Variants in ESRRG observed in about 807,000 individuals in gnomAD.
ESRRG encodes estrogen related receptor gamma.
In ESRRG, 13 loss-of-function variants were observed where a neutral mutation model predicts 44.0. The observed-to-expected ratio is 0.30, with a 90% CI of 0.19 to 0.47. The LOEUF (loss-of-function observed/expected upper bound fraction) is 0.47. Ranked by LOEUF, ESRRG falls within the 20% of genes least tolerant of loss-of-function variation. The probability of loss-of-function intolerance (pLI) is 1.00; values close to 1 mark genes in which losing one functional copy is unlikely to be tolerated. For synonymous variants in ESRRG, 215 were observed against 214.6 expected (o/e 1.00, Z -0.02); for missense variants, 395 against 580.6 (o/e 0.68, Z 3.29).
intron 5 of ESRRG, among the ~76,000 whole-genome samples, chr1:216,527,820 C>T (rs1262131388): frequency 1.3e-5 from 2 of 152,078 alleles, no homozygotes; most frequent in Non-Finnish European, 2.9e-5. Flanking sequence ...AAGATGAAGA[C>T]ATAAGCAGGA....
Position 216,561,588 on chromosome 1 carries a change from GC to G in ESRRG, c.862+2630del, listed in dbSNP as rs1413340115. Among the ~76,000 whole-genome samples, 3 of 152,086 alleles carry G rather than the reference GC, an allele frequency of 2.0e-5. No homozygotes were observed. In the East Asian group the frequency reaches 5.8e-4, roughly 29 times the overall value. On this transcript the variant is annotated intron_variant, in intron 5 of 6. Coordinates refer to ENST00000408911, the MANE Select transcript of ESRRG (RefSeq NM_001438.4). ...ACTTCCCTGTCTCTCAGTCCATATA[GC>G]TGTAGTGTGGTCCTCTACTGACCAA...
At chr1:216,626,045 T>C (rs1342149044) in intron 3 of ESRRG, among the ~76,000 whole-genome samples, 1 of 152,216 alleles carries the variant, frequency 6.6e-6, no homozygotes, top group Non-Finnish European at 1.5e-5. Flanking sequence ...TGACATCCCA[T>C]GCATTCCTCA....
intron 2 of ESRRG, among the ~76,000 whole-genome samples, chr1:216,926,299 A>C (rs990631122): frequency 6.6e-6 from 1 of 152,144 alleles, no homozygotes; most frequent in Non-Finnish European, 1.5e-5. Flanking sequence ...TAAAAAATTA[A>C]ATCCAGAGCC....
chr1:216,798,259 G>A (rs11809447), intron 2 of ESRRG, among the ~76,000 whole-genome samples: 5 of 152,150 alleles, frequency 3.3e-5, no homozygotes, highest in African/African-American at 1.2e-4. Flanking sequence ...AGTCCCTGAG[G>A]GTCCAAAGGC....
At chr1:216,900,612 C>T (rs1446240522) in intron 2 of ESRRG, among the ~76,000 whole-genome samples, 1 of 152,170 alleles carries the variant, frequency 6.6e-6, no homozygotes, top group African/African-American at 2.4e-5. Context: ...TTACCTCAAA[C>T]TTTTATATGA....
intron 1 of ESRRG, among the ~76,000 whole-genome samples, chr1:217,060,437 C>T (rs1005694079): frequency 6.6e-6 from 1 of 151,958 alleles, no homozygotes; most frequent in Non-Finnish European, 1.5e-5. Flanking sequence ...CCAGCAACTC[C>T]CCCTTTCCTC....
At chr1:217,100,025 T>C (rs949103661) in intron 1 of ESRRG, among the ~76,000 whole-genome samples, 1 of 151,748 alleles carries the variant, frequency 6.6e-6, no homozygotes, top group Non-Finnish European at 1.5e-5. Flanking sequence ...ATTATTTTGG[T>C]AATGAAAGTG....
chr1:216,709,343 G>GTGTATATA (rs377260365), intron 1 of ESRRG, among the ~76,000 whole-genome samples: 28 of 145,370 alleles, frequency 1.9e-4, no homozygotes, highest in African/African-American at 3.6e-4. Context: ...GTGTGTGTGT[G>GTGTATATA]TATATATATA....
At chr1:216,923,717 A>C (rs1443858834) in intron 2 of ESRRG, among the ~76,000 whole-genome samples, 1 of 151,792 alleles carries the variant, frequency 6.6e-6, no homozygotes, top group Non-Finnish European at 1.5e-5. Context: ...TCCAACCCTC[A>C]CTCCTACAAC....
chr1:216,791,299 C>G (rs543176534), intron 2 of ESRRG, among the ~76,000 whole-genome samples: 7 of 152,012 alleles, frequency 4.6e-5, no homozygotes, highest in Non-Finnish European at 8.8e-5. Flanking sequence ...TTCCCCGACT[C>G]TCTTCCCTCT....
chr1:216,971,931 A>C (rs2150301430), intron 1 of ESRRG, among the ~76,000 whole-genome samples: 1 of 152,346 alleles, frequency 6.6e-6, no homozygotes, highest in African/African-American at 2.4e-5. Flanking sequence ...TGAATTACTA[A>C]ACAATCATAT....
At chr1:216,580,948 G>T (rs1174394778) in intron 3 of ESRRG, among the ~76,000 whole-genome samples, 3 of 152,146 alleles carry the variant, frequency 2.0e-5, no homozygotes, top group African/African-American at 7.2e-5. Context: ...CAAATAAAGT[G>T]CCCATGTTTG....
At chr1:216,922,128 C>T (rs1345204650) in intron 2 of ESRRG, among the ~76,000 whole-genome samples, 1 of 152,342 alleles carries the variant, frequency 6.6e-6, no homozygotes, top group East Asian at 1.9e-4. Flanking sequence ...ACACCAGTCT[C>T]TGCCTCTGTA....
chr1:217,072,605 G>A (rs571816397), intron 1 of ESRRG, among the ~76,000 whole-genome samples: 4 of 152,220 alleles, frequency 2.6e-5, no homozygotes, highest in South Asian at 2.1e-4. Flanking sequence ...CAAGGATTGC[G>A]GAATTTTGAA....
chr1:216,965,351 A>G (rs1009737414), intron 1 of ESRRG, among the ~76,000 whole-genome samples: 2 of 128,430 alleles, frequency 1.6e-5, no homozygotes, highest in African/African-American at 5.0e-5. Context: ...CAAGATGTAG[A>G]TGAATTTTTT....
At chr1:216,754,573 G>T (rs2092321561) in intron 2 of ESRRG, among the ~76,000 whole-genome samples, 2 of 151,892 alleles carry the variant, frequency 1.3e-5, no homozygotes, top group South Asian at 4.2e-4. Flanking sequence ...TTTGGCCTAA[G>T]CTACTGCTGT....
At chr1:216,710,484 A>G (rs2083372172) in intron 1 of ESRRG, among the ~76,000 whole-genome samples, 1 of 152,222 alleles carries the variant, frequency 6.6e-6, no homozygotes. Flanking sequence ...AAGTCTGACC[A>G]CCATTGGGTT....
At chr1:216,531,507 T>A (rs1221703307) in intron 5 of ESRRG, among the ~76,000 whole-genome samples, 1 of 152,038 alleles carries the variant, frequency 6.6e-6, no homozygotes, top group Non-Finnish European at 1.5e-5. Flanking sequence ...CTTCGATTCC[T>A]CTCAGCCCTC....
chr1:217,064,132 C>T (rs908017911), intron 1 of ESRRG, among the ~76,000 whole-genome samples: 13 of 151,804 alleles, frequency 8.6e-5, no homozygotes, highest in African/African-American at 2.9e-4. Flanking sequence ...TTAATCTTCA[C>T]AACATACATA....
Sources: allele counts gnomAD v4.1 joint callset (sites outside exome capture counted in the v4.1 genomes callset), GRCh38; gene constraint gnomAD v4.1.1; transcripts MANE v1.5; gene names NCBI Gene and HGNC (gene_info 2026-07-23, HGNC 2026-07-21).